Variants in CACNA2D3 observed in about 807,000 individuals in gnomAD.
The protein encoded by CACNA2D3 is calcium voltage-gated channel auxiliary subunit alpha2delta 3.
In CACNA2D3, 60 loss-of-function variants were observed where a neutral mutation model predicts 160.6. That is an observed-to-expected ratio of 0.37 (90% CI 0.30 to 0.46). CACNA2D3 has a LOEUF of 0.46. Among genes scored for constraint, CACNA2D3 ranks in the 20% least tolerant of loss-of-function variants. The pLI, the probability that CACNA2D3 is intolerant of heterozygous loss-of-function variation, is 1.00. For synonymous variants in CACNA2D3, 558 were observed against 492.9 expected (o/e 1.13, Z -1.75); for missense variants, 1,205 against 1,365.0 (o/e 0.88, Z 1.85).
intron 17 of CACNA2D3, among the ~76,000 whole-genome samples, chr3:54,863,975 T>G (rs187627798): frequency 3.6e-3 from 554 of 152,296 alleles, no homozygotes; most frequent in Non-Finnish European, 6.3e-3. Flanking sequence ...CTTCTCATCT[T>G]TCCGTGACAT....
intron 31 of CACNA2D3, among the ~76,000 whole-genome samples, chr3:54,995,396 C>T (rs930371215): frequency 1.3e-5 from 2 of 152,130 alleles, no homozygotes; most frequent in African/African-American, 2.4e-5. Context: ...CTTTTTTCAT[C>T]TCTTATGGTA....
chr3:54,611,063 G>A (rs1187743340), intron 9 of CACNA2D3, among the ~76,000 whole-genome samples: 3 of 152,244 alleles, frequency 2.0e-5, no homozygotes, highest in African/African-American at 7.2e-5. Context: ...GAATGTGTCA[G>A]TGAGTGCTGT....
In CACNA2D3 at chr3:55,018,314, C is replaced by T. The variant is rs1206255599; in HGVS notation, c.2984C>T (p.Ser995Phe). The change falls in exon 35 of 38, where the codon TCC becomes TTC. Residue 995 changes from serine (S) to phenylalanine (F), a missense_variant. By Grantham distance (155) the Ser-to-Phe change is radical. Coordinates refer to ENST00000474759, the MANE Select transcript of CACNA2D3 (RefSeq NM_018398.3). Reference sequence around the variant, plus strand: ...GGGAATATTGCTTGTGAAGACTGCTCCAAGTAAGCCATCCCCCCACCCTCT... The same window carrying T: ...GGGAATATTGCTTGTGAAGACTGCTTCAAGTAAGCCATCCCCCCACCCTCT... ...TTGNIACEDC[S>F]KSFVIQQIPS... is the part of the protein sequence containing the mutation. The T allele has an allele frequency of 6.3e-7, 1 of 1,588,264 alleles. No individual in the cohort carries two copies.
At chr3:54,594,271 A>G (rs1702913344) in intron 9 of CACNA2D3, among the ~76,000 whole-genome samples, 1 of 152,210 alleles carries the variant, frequency 6.6e-6, no homozygotes, top group Admixed American at 6.5e-5. Context: ...TTGTAGCATG[A>G]AAGCAGCCAT....
intron 8 of CACNA2D3, among the ~76,000 whole-genome samples, chr3:54,580,562 G>A (rs1702658434): frequency 6.6e-6 from 1 of 152,092 alleles, no homozygotes; most frequent in African/African-American, 2.4e-5. Flanking sequence ...GGAGCTCCGG[G>A]CCTCTTTGGC....
intron 3 of CACNA2D3, among the ~76,000 whole-genome samples, chr3:54,333,815 G>C (rs369764993): frequency 6.6e-6 from 1 of 152,256 alleles, no homozygotes. Flanking sequence ...CATGGGTGGA[G>C]GGAACCTCGT....
chr3:54,489,451 A>G (rs567246472), intron 4 of CACNA2D3, among the ~76,000 whole-genome samples: 4 of 152,374 alleles, frequency 2.6e-5, no homozygotes, highest in African/African-American at 9.6e-5. Context: ...GGTGTTCGGC[A>G]CTTTTTAGCC....
intron 11 of CACNA2D3, among the ~76,000 whole-genome samples, chr3:54,718,428 C>T (rs888231965): frequency 6.6e-6 from 1 of 152,010 alleles, no homozygotes; most frequent in African/African-American, 2.4e-5. Context: ...TTATTTTTCT[C>T]CATATAGTTG....
chr3:54,714,103 G>T lies in CACNA2D3; in HGVS notation c.1168-38496G>T, dbSNP rs1433297579. Among the ~76,000 whole-genome samples the T allele has an allele frequency of 2.0e-5, 3 of 152,054 alleles. No individual in the cohort carries two copies. In the East Asian group the frequency reaches 5.8e-4, roughly 29 times the overall value. On this transcript the variant is annotated intron_variant, in intron 11 of 37. Coordinates refer to ENST00000474759, the MANE Select transcript of CACNA2D3 (RefSeq NM_018398.3). ...TATGTTGCAGGTCCTGGACTCCACAGGAGTTATATCTTGTCTTGGGTTGTT... is the reference window on the plus strand; with the variant it reads ...TATGTTGCAGGTCCTGGACTCCACATGAGTTATATCTTGTCTTGGGTTGTT...
intron 27 of CACNA2D3, among the ~76,000 whole-genome samples, chr3:54,953,942 A>G (rs1051193423): frequency 2.0e-5 from 3 of 152,200 alleles, no homozygotes; most frequent in African/African-American, 7.2e-5. Context: ...TTCTTGTGTC[A>G]TGAATAAGCA....
intron 2 of CACNA2D3, among the ~76,000 whole-genome samples, chr3:54,231,167 G>T (rs1175604211): frequency 6.6e-6 from 1 of 152,180 alleles, no homozygotes; most frequent in African/African-American, 2.4e-5. Flanking sequence ...AGTGCTTTGT[G>T]GCTGGGGATA....
In CACNA2D3 at chr3:54,364,698, A is replaced by G. The variant is rs185163368; in HGVS notation, c.322-22017A>G. Among the ~76,000 whole-genome samples the G allele has an allele frequency of 5.3e-5, 8 of 152,326 alleles. No homozygotes were observed. In the East Asian group the frequency reaches 1.5e-3, roughly 29 times the overall value. ...TATTGATTACTTTTCACTTGATTAT[A>G]GTGACTCTCTTCAGCTGTTTATTAC... On this transcript the variant is annotated intron_variant, in intron 3 of 37. Coordinates refer to ENST00000474759, the MANE Select transcript of CACNA2D3 (RefSeq NM_018398.3).
chr3:54,976,154 T>C (rs1455771876), intron 29 of CACNA2D3, among the ~76,000 whole-genome samples: 1 of 151,858 alleles, frequency 6.6e-6, no homozygotes, highest in African/African-American at 2.4e-5. Flanking sequence ...GCAAAATCCC[T>C]AGACCCTACT....
At chr3:55,068,225 CATTT>C (rs1195787030) in intron 35 of CACNA2D3, among the ~76,000 whole-genome samples, 1 of 152,202 alleles carries the variant, frequency 6.6e-6, no homozygotes, top group Non-Finnish European at 1.5e-5. Flanking sequence ...AGCAGCCACA[CATTT>C]ATCTGTGTGT....
At chr3:54,268,471 G>T (rs563664619) in intron 2 of CACNA2D3, among the ~76,000 whole-genome samples, 1 of 152,098 alleles carries the variant, frequency 6.6e-6, no homozygotes, top group Non-Finnish European at 1.5e-5. Flanking sequence ...GTGCAGTGGC[G>T]CAATGTTGGC....
intron 17 of CACNA2D3, among the ~76,000 whole-genome samples, chr3:54,868,173 G>GC (rs1429325655): frequency 6.6e-6 from 1 of 152,174 alleles, no homozygotes; most frequent in African/African-American, 2.4e-5. Context: ...CTATGCAACA[G>GC]CCCACTGACT....
intron 2 of CACNA2D3, among the ~76,000 whole-genome samples, chr3:54,305,458 C>T (rs1298431242): frequency 6.6e-6 from 1 of 152,206 alleles, no homozygotes; most frequent in Non-Finnish European, 1.5e-5. Context: ...ACTTAGAGAA[C>T]AGAACTGTCT....
rs1179913 is a variant in CACNA2D3 at position 54,816,190 on chromosome 3, A to G, written c.1381-663A>G. On this transcript the variant is annotated intron_variant, in intron 13 of 37. Transcript: ENST00000474759. ...ACTTTAAATGCACAAATCCTGGTGC[A>G]TACTTCCTTAACCATCAATAAAGGG... 5.4e-3 allele frequency among the ~76,000 whole-genome samples: 823 copies of G among 152,346 alleles called. 9 individuals carry two copies. The highest frequency in any genetic ancestry group is 0.017 in the African/African-American group (726 of 41,576).
At chr3:54,208,294 G>C (rs1476109651) in intron 2 of CACNA2D3, among the ~76,000 whole-genome samples, 1 of 152,158 alleles carries the variant, frequency 6.6e-6, no homozygotes, top group Non-Finnish European at 1.5e-5. Context: ...TTTTAGGAGA[G>C]ATGAGGTTTT....
Sources: allele counts gnomAD v4.1 joint callset (sites outside exome capture counted in the v4.1 genomes callset), GRCh38; gene constraint gnomAD v4.1.1; transcripts MANE v1.5; gene names NCBI Gene and HGNC (gene_info 2026-07-23, HGNC 2026-07-21).